Variants in SLC9B2 observed in about 807,000 individuals in gnomAD.
SLC9B2 encodes the protein sodium/hydrogen exchanger 9B2.
SLC9B2 carries 39 observed loss-of-function variants against 52.2 expected under a neutral mutation model. The observed-to-expected ratio is 0.75, with a 90% CI of 0.58 to 0.98. SLC9B2 has a LOEUF of 0.98. SLC9B2 is among the 50% of genes least tolerant of loss of function. The pLI is 0.00. For synonymous variants in SLC9B2, 214 were observed against 227.0 expected (o/e 0.94, Z 0.51); for missense variants, 626 against 637.5 (o/e 0.98, Z 0.19).
At position 103,022,541 on chromosome 4, in the gene SLC9B2, T is replaced by G. The variant is rs1391960772; in HGVS notation, c.*3829A>C. On this transcript the variant is annotated 3_prime_UTR_variant, in exon 12 of 12. Coordinates refer to ENST00000394785, the MANE Select transcript of SLC9B2 (RefSeq NM_178833.7). ...GTATTTTTCTGTGTTCTAAATTTTT[T>G]GCAATGAAAATGTGTTACTTTATAA... 1.3e-5 allele frequency among the ~76,000 whole-genome samples: 2 copies of G among 152,208 alleles called. No individual in the cohort carries two copies. Among genetic ancestry groups the G allele is most frequent in the Admixed American group, 6.5e-5 (1 of 15,292 alleles).
intron 9 of SLC9B2, 114 bp downstream of exon 9, chr4:103,043,182 G>A: frequency 8.5e-7 from 1 of 1,179,528 alleles, no homozygotes. Context: ...TGCACATTAA[G>A]ATAGCTTTTA....
At chr4:103,067,395 T>C (rs922751042) in intron 2 of SLC9B2, 66 bp downstream of exon 2, 11 of 1,418,336 alleles carry the variant, frequency 7.8e-6, no homozygotes, top group Non-Finnish European at 1.1e-5. Context: ...AGTTTGGGGA[T>C]AGGAGAATTG....
At chr4:103,055,348 C>T (rs952693281) in intron 4 of SLC9B2, among the ~76,000 whole-genome samples, 1 of 152,022 alleles carries the variant, frequency 6.6e-6, no homozygotes, top group African/African-American at 2.4e-5. Context: ...TGTAACTAAC[C>T]TGCACGTTGT....
In SLC9B2 at chr4:103,026,379, C is replaced by G; in HGVS notation, c.1605G>C (p.Val535=). The G allele has an allele frequency of 6.2e-7, 1 of 1,610,146 alleles. No homozygotes were observed. Among genetic ancestry groups the G allele is most frequent in the Non-Finnish European group, 8.5e-7 (1 of 1,177,688 alleles). ...CTCTCTCTTTTCACCTCTAAACTTGCACAGAAGTCTCTCCTTGAACTTCTT... is the reference window on the plus strand; with the variant it reads ...CTCTCTCTTTTCACCTCTAAACTTGGACAGAAGTCTCTCCTTGAACTTCTT... ...KDEEVQGETS[V]QV Residue 535 remains valine (V), a synonymous_variant, in exon 12 of 12, where the codon GTG becomes GTC. Coordinates refer to ENST00000394785, the MANE Select transcript of SLC9B2 (RefSeq NM_178833.7).
rs1489454901 is a variant in SLC9B2 at position 103,031,715 on chromosome 4, TGA to T, written c.1238_1239del (p.Leu413GlnfsTer33). 1 of 1,612,332 alleles carries T rather than the reference TGA, an allele frequency of 6.2e-7. No individual in the cohort carries two copies. Among genetic ancestry groups the T allele is most frequent in the South Asian group, 1.1e-5 (1 of 90,920 alleles). On this transcript the variant is annotated frameshift_variant, in exon 10 of 12. Transcript: ENST00000394785. ...AAATTCTTACCTACAGTTTCTGGTCTGAGAGATGCAATAGATACCTCTGCTCC... is the reference window on the plus strand; with the variant it reads ...AAATTCTTACCTACAGTTTCTGGTCTGAGATGCAATAGATACCTCTGCTCC... Reference protein sequence around the residue: ...LIGAEVSIASLRPETVGLCVA... With the variant: ...LIGAEVSIASXRPETVGLCVA...
chr4:103,057,673 C>A, intron 4 of SLC9B2, 128 bp downstream of exon 4: 1 of 998,726 alleles, frequency 1.0e-6, no homozygotes, highest in Non-Finnish European at 1.5e-6. Context: ...CAAAATTTAA[C>A]AACTGGCTTT....
At chr4:103,045,347 T>C (rs1214821155) in intron 7 of SLC9B2, among the ~76,000 whole-genome samples, 1 of 152,172 alleles carries the variant, frequency 6.6e-6, no homozygotes, top group Non-Finnish European at 1.5e-5. Flanking sequence ...CTAAATAAAA[T>C]TACCTCTGAA....
intron 4 of SLC9B2, among the ~76,000 whole-genome samples, chr4:103,054,830 T>C (rs5004498): frequency 0.012 from 1,872 of 152,234 alleles, 34 homozygotes; most frequent in African/African-American, 0.039. Flanking sequence ...GTCAGTGTGG[T>C]GATTCCTCAG....
intron 1 of SLC9B2, among the ~76,000 whole-genome samples, chr4:103,071,773 A>C (rs891393851): frequency 6.6e-6 from 1 of 152,110 alleles, no homozygotes; most frequent in African/African-American, 2.4e-5. Context: ...GGCCTCCTAA[A>C]GTGCTGGGAT....
chr4:103,061,017 G>A (rs1745593846), intron 3 of SLC9B2, among the ~76,000 whole-genome samples: 1 of 152,164 alleles, frequency 6.6e-6, no homozygotes, highest in African/African-American at 2.4e-5. Context: ...GAAGGAGAAT[G>A]CTTTTTCCTG....
At chr4:103,047,024 A>G in intron 7 of SLC9B2, 27 bp downstream of exon 7, 1 of 1,601,998 alleles carries the variant, frequency 6.2e-7, no homozygotes, top group Non-Finnish European at 8.5e-7. Flanking sequence ...TGCAAGAGTA[A>G]AGCCTGTTGT....
rs773486086 is a variant in SLC9B2 at position 103,049,038 on chromosome 4, A to T, written c.586-18T>A. ...TTCAGGGCCTGAAATAGAAAAGTAG[A>T]CATCCTAATATAATCCTCTGAAGAT... On this transcript the variant is annotated intron_variant, in intron 5 of 11. Transcript: ENST00000394785. 6.2e-7 allele frequency: 1 copy of T among 1,611,552 alleles called. No homozygotes were observed. Among genetic ancestry groups the T allele is most frequent in the Admixed American group, 1.7e-5 (1 of 59,818 alleles).
intron 8 of SLC9B2, 148 bp from the exon 9 acceptor site, chr4:103,043,593 T>C (rs1175460848): frequency 2.9e-6 from 2 of 696,740 alleles, no homozygotes; most frequent in Non-Finnish European, 4.6e-6. Flanking sequence ...TAACATTTAC[T>C]TTCTCTTCTT....
At chr4:103,061,840 C>A (rs934789841) in intron 3 of SLC9B2, among the ~76,000 whole-genome samples, 7 of 152,102 alleles carry the variant, frequency 4.6e-5, no homozygotes, top group African/African-American at 1.4e-4. Context: ...TGGTTTGTGA[C>A]AAGATTGTTC....
intron 3 of SLC9B2, among the ~76,000 whole-genome samples, 191 bp downstream of exon 3, chr4:103,066,136 T>C (rs181212037): frequency 1.5e-3 from 236 of 152,356 alleles, no homozygotes; most frequent in African/African-American, 5.3e-3. Flanking sequence ...GTGAAGACAG[T>C]GGAGCCCTGT....
At position 103,026,910 on chromosome 4, in the gene SLC9B2, G is replaced by GT. The variant is rs202139369; in HGVS notation, c.1393-320dup. On this transcript the variant is annotated intron_variant, in intron 11 of 11. Coordinates refer to ENST00000394785, the MANE Select transcript of SLC9B2 (RefSeq NM_178833.7). ...TGTATTGCAGGTTTTGTTTTGTTTTGTTTTTTTACTTTTTTAGAGACAGGG... is the reference window on the plus strand; with the variant it reads ...TGTATTGCAGGTTTTGTTTTGTTTTGTTTTTTTTACTTTTTTAGAGACAGGG... Among the ~76,000 whole-genome samples, 813 of 152,034 alleles carry GT rather than the reference G, an allele frequency of 5.3e-3. 4 individuals carry two copies. The highest frequency in any genetic ancestry group is 0.034 in the Middle Eastern group (10 of 294).
At chr4:103,021,042 TAAGGAAATGTTTTGTACTCATGAA>T (rs1447366134), downstream of SLC9B2, among the ~76,000 whole-genome samples, 2 of 152,166 alleles carry the variant, frequency 1.3e-5, no homozygotes, top group African/African-American at 4.8e-5. Flanking sequence ...ATTATAGGGT[TAAGGAAATGTTTTGTACTCATGAA>T]AAGGAAATGT....
chr4:103,074,771 A>T (rs565967497), intron 1 of SLC9B2, among the ~76,000 whole-genome samples: 1 of 152,338 alleles, frequency 6.6e-6, no homozygotes, highest in South Asian at 2.1e-4. Context: ...GAAACAAAAC[A>T]ACAACAATAA....
At chr4:103,044,283 G>C (rs1235553658) in intron 8 of SLC9B2, among the ~76,000 whole-genome samples, 2 of 152,162 alleles carry the variant, frequency 1.3e-5, no homozygotes, top group African/African-American at 4.8e-5. Flanking sequence ...GGTTGTACTA[G>C]AGCAGTGTTT....
Sources: gnomAD v4.1 joint callset for allele counts (sites outside exome capture counted in the v4.1 genomes callset) on GRCh38, gnomAD v4.1.1 for gene constraint, MANE v1.5 for transcripts, NCBI Gene and HGNC (gene_info 2026-07-23, HGNC 2026-07-21) for gene names.